The following DKK2 variants were observed in gnomAD, a reference collection of about 807,000 sequenced individuals.
DKK2 encodes dickkopf-related protein 2.
A neutral mutation model predicts 28.1 loss-of-function variants in DKK2; 11 were observed. That is an observed-to-expected ratio of 0.39 (90% CI 0.25 to 0.65). The LOEUF (loss-of-function observed/expected upper bound fraction) is 0.65, where lower values mean the gene tolerates loss of function less well. DKK2 is among the 30% of genes least tolerant of loss of function. DKK2 has a pLI of 0.47. For missense variants in DKK2, 326 were observed against 335.5 expected, an observed-to-expected ratio of 0.97 and a Z score of 0.22; for synonymous variants, 135 against 126.5, an observed-to-expected ratio of 1.07 and a Z score of -0.45.
At chr4:106,978,650 A>G (rs1722978939) in intron 1 of DKK2, among the ~76,000 whole-genome samples, 1 of 152,130 alleles carries the variant, frequency 6.6e-6, no homozygotes, top group Non-Finnish European at 1.5e-5. Flanking sequence ...CGAAAATTTC[A>G]AACAATCGAT....
intron 1 of DKK2, among the ~76,000 whole-genome samples, 180 bp from the exon 2 acceptor site, chr4:106,926,129 T>C (rs575446884): frequency 6.6e-6 from 1 of 152,268 alleles, no homozygotes; most frequent in South Asian, 2.1e-4. Context: ...TTGAGGACCT[T>C]ATAAATATCT....
At chr4:106,991,678 A>T (rs1342204640) in intron 1 of DKK2, among the ~76,000 whole-genome samples, 9 of 152,046 alleles carry the variant, frequency 5.9e-5, no homozygotes, top group Admixed American at 5.9e-4. Context: ...ATGCTAACTC[A>T]TTTTTGCCCA....
chr4:107,029,027 G>A (rs1416668558), intron 1 of DKK2, among the ~76,000 whole-genome samples: 3 of 152,118 alleles, frequency 2.0e-5, no homozygotes, highest in Non-Finnish European at 4.4e-5. Context: ...GGAGGACGGG[G>A]GGCAAGTAGA....
At chr4:107,012,684 C>T (rs1723533528) in intron 1 of DKK2, among the ~76,000 whole-genome samples, 1 of 151,196 alleles carries the variant, frequency 6.6e-6, no homozygotes, top group African/African-American at 2.4e-5. Context: ...GCTTTAACTG[C>T]ATTCTCTAAG....
In DKK2 at chr4:107,035,612, A is replaced by G; in HGVS notation, c.-21T>C. ...GCCATCTCCCGGCGAGGGGGTCCCC[A>G]GGAAGACGCAAAGCCCGGAGGGGTG... On this transcript the variant is annotated 5_prime_UTR_variant, in exon 1 of 4. Transcript: ENST00000285311. The G allele has an allele frequency of 6.2e-7, 1 of 1,612,384 alleles. No homozygotes were observed. Among genetic ancestry groups the G allele is most frequent in the Admixed American group, 1.7e-5 (1 of 60,022 alleles).
At chr4:106,987,868 T>TC (rs1723145387) in intron 1 of DKK2, among the ~76,000 whole-genome samples, 2 of 146,110 alleles carry the variant, frequency 1.4e-5, no homozygotes, top group Non-Finnish European at 3.0e-5. Context: ...ACTCTCTTCT[T>TC]TTTTTTTTTT....
chr4:107,002,202 C>T (rs538178950), intron 1 of DKK2, among the ~76,000 whole-genome samples: 2 of 152,314 alleles, frequency 1.3e-5, no homozygotes, highest in Admixed American at 6.5e-5. Context: ...GAACTAACTG[C>T]AAGACTGTTT....
At chr4:106,968,147 CA>C (rs5860839) in intron 1 of DKK2, among the ~76,000 whole-genome samples, 73,920 of 148,224 alleles carry the variant, frequency 0.5, 19,640 homozygotes, top group South Asian at 0.63. Context: ...AAGGAAGAGA[CA>C]AAAAAAAGGA....
At chr4:107,034,110 G>A (rs745821024) in intron 1 of DKK2, among the ~76,000 whole-genome samples, 5 of 152,140 alleles carry the variant, frequency 3.3e-5, no homozygotes, top group Non-Finnish European at 4.4e-5. Context: ...AATTGTCCCC[G>A]TGAGAGGGCA....
In DKK2 at chr4:106,923,655, T is replaced by G; in HGVS notation, c.*299A>C. The G allele has an allele frequency of 3.2e-6, 1 of 311,672 alleles. No individual in the cohort carries two copies. Among genetic ancestry groups the G allele is most frequent in the South Asian group, 4.0e-5 (1 of 25,058 alleles). 19.3% of individuals were successfully genotyped at this position (311,672 alleles called of 1,614,324 possible). Reference sequence around the variant, plus strand: ...CAACCTAAACTCTTGGAAAGTCACATGCTACTCATCAGTAATTTCCACTGT... The same window carrying G: ...CAACCTAAACTCTTGGAAAGTCACAGGCTACTCATCAGTAATTTCCACTGT... On this transcript the variant is annotated 3_prime_UTR_variant, in exon 4 of 4. Coordinates refer to ENST00000285311, the MANE Select transcript of DKK2 (RefSeq NM_014421.3).
intron 1 of DKK2, among the ~76,000 whole-genome samples, chr4:107,012,780 T>C (rs1723534929): frequency 6.6e-6 from 1 of 151,130 alleles, no homozygotes; most frequent in Non-Finnish European, 1.5e-5. Flanking sequence ...ACTTTTAAAA[T>C]AACACTTTTC....
At chr4:106,939,522 G>T (rs559636825) in intron 1 of DKK2, among the ~76,000 whole-genome samples, 84 of 152,270 alleles carry the variant, frequency 5.5e-4, no homozygotes, top group Admixed American at 1.1e-3. Flanking sequence ...TCATGAAAAT[G>T]GCCATACGGC....
At chr4:107,010,293 C>A (rs2110368772) in intron 1 of DKK2, among the ~76,000 whole-genome samples, 2 of 151,630 alleles carry the variant, frequency 1.3e-5, no homozygotes, top group East Asian at 3.9e-4. Flanking sequence ...GCTTTAACCC[C>A]TTATTAGGAC....
chr4:107,035,798 C>G lies in DKK2; in HGVS notation c.-207G>C. ...AAATTAGCGGAACCCAAGCGAGACC[C>G]GCTTCTCCACCAGGACAGGAAGTTC... On this transcript the variant is annotated 5_prime_UTR_variant, in exon 1 of 4. Coordinates refer to ENST00000285311, the MANE Select transcript of DKK2 (RefSeq NM_014421.3). 1 of 591,442 alleles carries G rather than the reference C, an allele frequency of 1.7e-6. No homozygotes were observed. 36.6% of individuals were successfully genotyped at this position (591,442 alleles called of 1,614,324 possible).
At chr4:106,936,162 T>C (rs538684734) in intron 1 of DKK2, among the ~76,000 whole-genome samples, 10 of 152,192 alleles carry the variant, frequency 6.6e-5, no homozygotes, top group African/African-American at 2.4e-4. Flanking sequence ...ACGATCAAAT[T>C]ACTTTGAGCT....
At chr4:106,928,362 CCAAAAAATGCCTAACTATA>C (rs1218227929) in intron 1 of DKK2, among the ~76,000 whole-genome samples, 1 of 151,866 alleles carries the variant, frequency 6.6e-6, no homozygotes, top group Non-Finnish European at 1.5e-5. Context: ...AGAAAGTATG[CCAAAAAATGCCTAACTATA>C]CAAGGTTATG....
chr4:107,023,573 T>C (rs534075224), intron 1 of DKK2, among the ~76,000 whole-genome samples: 1 of 152,250 alleles, frequency 6.6e-6, no homozygotes, highest in Non-Finnish European at 1.5e-5. Flanking sequence ...AATGTCATTA[T>C]ACATTTATCA....
intron 1 of DKK2, among the ~76,000 whole-genome samples, chr4:107,016,626 G>A (rs764211937): frequency 2.2e-4 from 33 of 151,826 alleles, no homozygotes; most frequent in Non-Finnish European, 4.6e-4. Flanking sequence ...TTTTCTGTAA[G>A]GTACTATCAT....
At chr4:106,926,036 A>G (rs1432400605) in intron 1 of DKK2, 87 bp from the exon 2 acceptor site, 53 of 1,384,636 alleles carry the variant, frequency 3.8e-5, no homozygotes, top group Admixed American at 5.0e-5. Context: ...ATGATAGAAA[A>G]TGAATCACAA....
Sources: gnomAD v4.1 joint callset for allele counts (sites outside exome capture counted in the v4.1 genomes callset) on GRCh38, gnomAD v4.1.1 for gene constraint, MANE v1.5 for transcripts, NCBI Gene and HGNC (gene_info 2026-07-23, HGNC 2026-07-21) for gene names.